Variants in DIS3L2 observed in about 807,000 individuals in gnomAD.
DIS3L2 encodes DIS3 like 3'-5' exoribonuclease 2, also known as DIS3-like exonuclease 2.
Under a neutral mutation model 97.5 loss-of-function variants are expected in DIS3L2, and 34 were observed. The observed-to-expected ratio is 0.35, with a 90% CI of 0.27 to 0.46. The LOEUF (loss-of-function observed/expected upper bound fraction) is 0.46. Among genes scored for constraint, DIS3L2 ranks in the 20% least tolerant of loss-of-function variants. The pLI is 1.00. For missense variants in DIS3L2, 1,038 were observed against 1,146.0 expected, an observed-to-expected ratio of 0.91 and a Z score of 1.36; for synonymous variants, 435 against 445.2, an observed-to-expected ratio of 0.98 and a Z score of 0.29.
At chr2:232,092,840 G>C (rs1696885162) in intron 6 of DIS3L2, among the ~76,000 whole-genome samples, 1 of 152,116 alleles carries the variant, frequency 6.6e-6, no homozygotes, top group South Asian at 2.1e-4. Context: ...CTGCAAGCAA[G>C]GATTATTTGA....
intron 5 of DIS3L2, among the ~76,000 whole-genome samples, chr2:232,078,335 C>T (rs749259000): frequency 4.2e-4 from 64 of 152,188 alleles, no homozygotes; most frequent in Non-Finnish European, 2.8e-4. Flanking sequence ...TGAGCCACCT[C>T]GCCCAGCCTA....
intron 4 of DIS3L2, among the ~76,000 whole-genome samples, chr2:232,028,893 C>T (rs531009182): frequency 6.6e-6 from 1 of 152,110 alleles, no homozygotes; most frequent in Non-Finnish European, 1.5e-5. Context: ...GCTGTCAACC[C>T]ATAGCTAAAC....
At chr2:232,246,445 G>C (rs993587766) in intron 11 of DIS3L2, among the ~76,000 whole-genome samples, 14 of 152,242 alleles carry the variant, frequency 9.2e-5, no homozygotes, top group Non-Finnish European at 1.6e-4. Flanking sequence ...GAGAGGGCCA[G>C]GGCACAAAGC....
At chr2:232,024,097 C>T (rs1694591266) in intron 3 of DIS3L2, among the ~76,000 whole-genome samples, 180 bp from the exon 4 acceptor site, 1 of 152,138 alleles carries the variant, frequency 6.6e-6, no homozygotes, top group Admixed American at 6.6e-5. Context: ...TGATAGAACC[C>T]TCTATTTCAG....
intron 9 of DIS3L2, among the ~76,000 whole-genome samples, chr2:232,204,279 C>T (rs2106210618): frequency 6.6e-6 from 1 of 152,186 alleles, no homozygotes; most frequent in Non-Finnish European, 1.5e-5. Context: ...GGTGCAGGGT[C>T]AGAGGAAGAG....
intron 1 of DIS3L2, among the ~76,000 whole-genome samples, chr2:231,966,691 T>TG (rs1692730021): frequency 7.7e-6 from 1 of 129,440 alleles, no homozygotes; most frequent in African/African-American, 2.9e-5. Flanking sequence ...GACAGGGTCT[T>TG]GCTATGTTGC....
chr2:232,238,709 T>C, intron 11 of DIS3L2, 64 bp downstream of exon 11: 2 of 1,393,664 alleles, frequency 1.4e-6, no homozygotes, highest in African/African-American at 1.4e-5. Flanking sequence ...CCTGGAAGAG[T>C]GTGTGCTCTC....
At chr2:232,183,919 C>A (rs1332498374) in intron 9 of DIS3L2, among the ~76,000 whole-genome samples, 1 of 152,078 alleles carries the variant, frequency 6.6e-6, no homozygotes, top group Non-Finnish European at 1.5e-5. Context: ...TCTTGCCACT[C>A]CAGTGACTGC....
intron 8 of DIS3L2, among the ~76,000 whole-genome samples, chr2:232,156,394 G>C (rs570625108): frequency 4.1e-4 from 62 of 152,170 alleles, no homozygotes; most frequent in African/African-American, 1.4e-3. Context: ...GGGAGTTCTT[G>C]AGAGTATCTT....
At chr2:232,067,678 A>G (rs1419504149) in intron 5 of DIS3L2, among the ~76,000 whole-genome samples, 1 of 152,080 alleles carries the variant, frequency 6.6e-6, no homozygotes, top group East Asian at 1.9e-4. Context: ...CTGTTTCCTT[A>G]CTGGTTTTTG....
chr2:232,162,414 A>C (rs1331489238), intron 8 of DIS3L2, among the ~76,000 whole-genome samples: 1 of 152,194 alleles, frequency 6.6e-6, no homozygotes, highest in African/African-American at 2.4e-5. Flanking sequence ...AAGGCTGAAG[A>C]TTGGAATTTG....
chr2:232,247,652 A>G (rs1183009898), intron 11 of DIS3L2, among the ~76,000 whole-genome samples: 3 of 107,052 alleles, frequency 2.8e-5, no homozygotes, highest in Non-Finnish European at 5.4e-5. Flanking sequence ...GGAGGGTGCC[A>G]ATTCAGTCCC....
At chr2:231,991,516 C>T (rs1693585507) in intron 1 of DIS3L2, among the ~76,000 whole-genome samples, 1 of 152,082 alleles carries the variant, frequency 6.6e-6, no homozygotes, top group African/African-American at 2.4e-5. Flanking sequence ...AGGATCCTTC[C>T]ACCTCAGCCT....
In DIS3L2 at chr2:232,263,279, A is replaced by G. The variant is rs778021901; in HGVS notation, c.1498A>G (p.Met500Val). Residue 500 changes from methionine to valine, a missense_variant, in exon 13 of 21, where the codon ATG becomes GTG. Met to Val is a conservative substitution (Grantham distance 21, BLOSUM62 1). Around this residue, in one of 3 missense-constraint regions of DIS3L2, gnomAD observed 813 missense variants for 880.1 expected, o/e 0.92. Coordinates refer to ENST00000325385, the MANE Select transcript of DIS3L2 (RefSeq NM_152383.5). ...ACTTAGCTACGAGCATGCACAGAGCATGATTGAAAGCCCAACTGAGAAAAT... is the reference window on the plus strand; with the variant it reads ...ACTTAGCTACGAGCATGCACAGAGCGTGATTGAAAGCCCAACTGAGAAAAT... Reference protein sequence around the residue: ...TKLSYEHAQSMIESPTEKIPA... With the variant: ...TKLSYEHAQSVIESPTEKIPA... 22 of 1,614,228 alleles carry G rather than the reference A, an allele frequency of 1.4e-5. No homozygotes were observed. The highest frequency in any genetic ancestry group is 1.7e-5 in the Non-Finnish European group (20 of 1,180,040).
rs1178133123 is a variant in DIS3L2, at chr2:232,037,203, GGCTGCT to G, written c.366+7126_366+7131del. 6.6e-6 allele frequency among the ~76,000 whole-genome samples: 1 copy of G among 152,186 alleles called. No homozygotes were observed. The highest frequency in any genetic ancestry group is 1.5e-5 in the Non-Finnish European group (1 of 68,030). On this transcript the variant is annotated intron_variant, in intron 5 of 20. Coordinates refer to ENST00000325385, the MANE Select transcript of DIS3L2 (RefSeq NM_152383.5). The surrounding 1 kb of genome is among the most constrained non-coding windows in gnomAD (Gnocchi z 4.6). ...GTTTTACCTATAAGCCCCTGACTGGGGCTGCTGCCTTTCTTTCAGAGATGCCCTATC... is the reference window on the plus strand; with the variant it reads ...GTTTTACCTATAAGCCCCTGACTGGGGCCTTTCTTTCAGAGATGCCCTATC...
intron 10 of DIS3L2, 98 bp downstream of exon 10, chr2:232,210,503 C>T (rs540037068): frequency 1.7e-6 from 2 of 1,147,964 alleles, no homozygotes. Context: ...GCATACTGTG[C>T]AAGGCTAGGT....
chr2:232,191,957 C>T (rs1416651916), intron 9 of DIS3L2, among the ~76,000 whole-genome samples: 1 of 152,150 alleles, frequency 6.6e-6, no homozygotes, highest in Non-Finnish European at 1.5e-5. Flanking sequence ...CAGAGCTGGG[C>T]ACATAGTAGG....
chr2:232,041,267 A>C (rs1187092546), intron 5 of DIS3L2, among the ~76,000 whole-genome samples: 2 of 152,234 alleles, frequency 1.3e-5, no homozygotes, highest in African/African-American at 4.8e-5. Context: ...AAGGGGTTAC[A>C]GACCTAGATG....
At chr2:232,196,334 A>C (rs954936128) in intron 9 of DIS3L2, among the ~76,000 whole-genome samples, 1 of 152,240 alleles carries the variant, frequency 6.6e-6, no homozygotes, top group Non-Finnish European at 1.5e-5. Context: ...AATTGTTTGT[A>C]TGGATCTTGT....
Sources: allele counts gnomAD v4.1 joint callset (sites outside exome capture counted in the v4.1 genomes callset), GRCh38; gene constraint gnomAD v4.1.1; regional missense constraint gnomAD v4.1.1; non-coding constraint Gnocchi (gnomAD v3.1); transcripts MANE v1.5; gene names NCBI Gene and HGNC (gene_info 2026-07-23, HGNC 2026-07-21).